MYO3A: variants seen among roughly 807,000 people sequenced by gnomAD.
The protein encoded by MYO3A is myosin IIIA, also known as myosin-IIIa.
A neutral mutation model predicts 192.7 loss-of-function variants in MYO3A; 180 were observed. The observed-to-expected ratio is 0.93, with a 90% CI of 0.83 to 1.06. MYO3A has a LOEUF of 1.06. Among genes scored for constraint, MYO3A ranks in the 50% least tolerant of loss-of-function variants. MYO3A has a pLI of 0.00. For synonymous variants in MYO3A, 628 were observed against 645.3 expected (o/e 0.97, Z 0.41); for missense variants, 1,896 against 1,905.0 (o/e 1.00, Z 0.09).
chr10:26,080,485 C>T (rs759135675), intron 14 of MYO3A, among the ~76,000 whole-genome samples: 15 of 151,048 alleles, frequency 9.9e-5, no homozygotes, highest in Admixed American at 6.6e-5. Flanking sequence ...CTGTTCCCTC[C>T]CTGATTAGCT....
rs1369139226 is a variant in MYO3A, at chr10:26,157,414, G to T, written c.2898G>T (p.Glu966Asp). ...SERQARKYDK[E>D]KVLLQLRYTG... Reference sequence around the variant, plus strand: ...GTCAGGCAAGAAAATATGACAAAGAGAAAGTTCTGCTACAGCTTCGGTACA... The same window carrying T: ...GTCAGGCAAGAAAATATGACAAAGATAAAGTTCTGCTACAGCTTCGGTACA... Residue 966 changes from glutamate (E) to aspartate (D), a missense_variant, in exon 26 of 35, where the codon GAG becomes GAT. Glu to Asp is a conservative substitution (Grantham distance 45). Coordinates refer to ENST00000642920, the MANE Select transcript of MYO3A (RefSeq NM_017433.5). 2 of 1,614,128 alleles carry T rather than the reference G, an allele frequency of 1.2e-6. No individual in the cohort carries two copies. Among genetic ancestry groups the T allele is most frequent in the South Asian group, 2.2e-5 (2 of 91,078 alleles).
intron 14 of MYO3A, among the ~76,000 whole-genome samples, chr10:26,079,140 G>A (rs1835771084): frequency 6.6e-6 from 1 of 152,060 alleles, no homozygotes; most frequent in Non-Finnish European, 1.5e-5. Context: ...TTGTGTTGCT[G>A]TCTATCTCAT....
intron 6 of MYO3A, among the ~76,000 whole-genome samples, chr10:25,997,873 A>G (rs12252394): frequency 0.096 from 14,551 of 152,180 alleles, 1,237 homozygotes; most frequent in African/African-American, 0.22. Context: ...TTTGGAGCCT[A>G]CCTTATCTCT....
intron 17 of MYO3A, among the ~76,000 whole-genome samples, chr10:26,103,101 C>T (rs573911097): frequency 6.6e-6 from 1 of 152,318 alleles, no homozygotes; most frequent in South Asian, 2.1e-4. Context: ...TCAGCAATGG[C>T]TGCAGCCTTG....
intron 30 of MYO3A, 38 bp from the exon 31 acceptor site, chr10:26,176,663 T>A (rs1354423600): frequency 6.3e-7 from 1 of 1,583,772 alleles, no homozygotes; most frequent in Admixed American, 1.7e-5. Context: ...TCTGTATTCT[T>A]TTCCTTGATT....
At position 26,174,120 on chromosome 10, in the gene MYO3A, G is replaced by C; in HGVS notation, c.3856G>C (p.Glu1286Gln). The C allele has an allele frequency of 1.9e-6, 3 of 1,614,092 alleles. No individual in the cohort carries two copies. The highest frequency in any genetic ancestry group is 2.5e-6 in the Non-Finnish European group (3 of 1,179,992). The change falls in exon 30 of 35, where the codon GAA becomes CAA. Residue 1286 changes from glutamate (E) to glutamine (Q), a missense_variant. Glu to Gln is a conservative substitution (Grantham distance 29). Transcript: ENST00000642920. The part of the protein sequence containing the change: ...ENETSFKKTL[E>Q]PTLSQRSIYQ... ...TGAGACTTCCTTTAAAAAAACTTTG[G>C]AACCTACACTTAGCCAAAGGTCAAT...
rs973653540 is a variant in MYO3A at position 26,203,044 on chromosome 10, C to T, written c.4667C>T (p.Pro1556Leu). Residue 1556 changes from proline (P) to leucine (L), a missense_variant, in exon 34 of 35, where the codon CCT (proline) becomes CTT (leucine). By Grantham distance (98) the Pro-to-Leu change is moderately conservative. Transcript: ENST00000642920. ...CGTTCTGGACCAAAGGAACATAGCC[C>T]TAGTTTAAGAGAACGAAGACCACAG... is the stretch of plus-strand genomic sequence containing the variant. Reference protein sequence around the residue: ...PSRSGPKEHSPSLRERRPQQE... With the variant: ...PSRSGPKEHSLSLRERRPQQE... The T allele has an allele frequency of 1.9e-6, 3 of 1,613,576 alleles. No individual in the cohort carries two copies. In the African/African-American group the frequency reaches 4.0e-5, roughly 22 times the overall value.
At chr10:26,159,184 G>T (rs1841339029) in intron 26 of MYO3A, among the ~76,000 whole-genome samples, 1 of 150,658 alleles carries the variant, frequency 6.6e-6, no homozygotes, top group South Asian at 2.1e-4. Flanking sequence ...TAGAGACGGG[G>T]TTTCACCGTT....
rs117144732 is a variant in MYO3A, at chr10:25,955,863, T to C, written c.303+855T>C. 1.8e-3 allele frequency among the ~76,000 whole-genome samples: 277 copies of C among 152,348 alleles called. 6 individuals carry two copies. In the East Asian group the frequency reaches 0.033, roughly 18 times the overall value. On this transcript the variant is annotated intron_variant, in intron 4 of 34. Coordinates refer to ENST00000642920, the MANE Select transcript of MYO3A (RefSeq NM_017433.5). ...TTTCTTTTTGAATGTTTCATTGCTT[T>C]TCCTGAAGTGGCATTGTCTTAGTCT...
chr10:26,194,595 G>A (rs970949412), intron 32 of MYO3A, among the ~76,000 whole-genome samples: 5 of 152,162 alleles, frequency 3.3e-5, no homozygotes, highest in Non-Finnish European at 5.9e-5. Context: ...TTCCCACCTC[G>A]CAGGCAGAAA....
Position 26,211,898 on chromosome 10 carries a change from C to A in MYO3A, c.4786C>A (p.Pro1596Thr), listed in dbSNP as rs756203241. The change falls in exon 35 of 35, where the codon CCC (proline) becomes ACC (threonine). Residue 1596 changes from proline (P) to threonine (T), a missense_variant. Transcript: ENST00000642920. ...GGAGGAGAGAGAGCCAGCAGCCAACCCCTACGACTTCAGGAGGCTCCTGCG... is the reference window on the plus strand; with the variant it reads ...GGAGGAGAGAGAGCCAGCAGCCAACACCTACGACTTCAGGAGGCTCCTGCG... ...KEEEREPAAN[P>T]YDFRRLLRKT... is the part of the protein sequence containing the mutation. The A allele has an allele frequency of 1.2e-6, 2 of 1,613,938 alleles. No homozygotes were observed. Among genetic ancestry groups the A allele is most frequent in the African/African-American group, 1.3e-5 (1 of 74,922 alleles).
chr10:26,039,207 A>ATTTTTTTT (rs34416918), intron 10 of MYO3A, among the ~76,000 whole-genome samples: 83 of 106,844 alleles, frequency 7.8e-4, no homozygotes, highest in Non-Finnish European at 1.0e-3. Flanking sequence ...GGCTCGGCTA[A>ATTTTTTTT]TTTTTTTTTT....
At chr10:26,081,146 GCCCC>G (rs907981671) in intron 14 of MYO3A, among the ~76,000 whole-genome samples, 2 of 70,754 alleles carry the variant, frequency 2.8e-5, no homozygotes, top group Non-Finnish European at 5.7e-5. Context: ...CCCCCCCCCC[GCCCC>G]CGCTACCAGG....
chr10:26,212,184 T>C lies in MYO3A; in HGVS notation c.*221T>C, dbSNP rs1188507417. 1.6e-6 allele frequency: 1 copy of C among 612,158 alleles called. No individual in the cohort carries two copies. The highest frequency in any genetic ancestry group is 1.9e-5 in the African/African-American group (1 of 53,714). The allele number at this position is 612,158 out of a possible 1,614,324, so 37.9% of individuals were successfully genotyped here. A position where few individuals can be genotyped will look rare whatever the true frequency, so the allele number is the denominator to read the frequency against. On this transcript the variant is annotated 3_prime_UTR_variant, in exon 35 of 35. Coordinates refer to ENST00000642920, the MANE Select transcript of MYO3A (RefSeq NM_017433.5). Reference sequence around the variant, plus strand: ...TCGGGAAACCTCCCCCGACGCTCTCTCTCGGAACTCCCGCACCCTCCTTTC... The same window carrying C: ...TCGGGAAACCTCCCCCGACGCTCTCCCTCGGAACTCCCGCACCCTCCTTTC...
At chr10:25,955,120 C>G in intron 4 of MYO3A, 112 bp downstream of exon 4, 1 of 1,450,038 alleles carries the variant, frequency 6.9e-7, no homozygotes, top group South Asian at 1.2e-5. Context: ...TGATAAGTTC[C>G]TGACCAGCCA....
At chr10:26,128,141 G>A (rs1365643184) in intron 19 of MYO3A, among the ~76,000 whole-genome samples, 1 of 152,106 alleles carries the variant, frequency 6.6e-6, no homozygotes, top group Admixed American at 6.6e-5. Context: ...TTTTGTTTCA[G>A]TGTATAAAAG....
At chr10:26,003,160 A>G (rs1840960721) in intron 6 of MYO3A, among the ~76,000 whole-genome samples, 1 of 152,216 alleles carries the variant, frequency 6.6e-6, no homozygotes, top group Admixed American at 6.5e-5. Flanking sequence ...GTGAAGAATA[A>G]ATGGGATGCC....
At chr10:26,157,849 C>T (rs1841236997) in intron 26 of MYO3A, among the ~76,000 whole-genome samples, 1 of 152,132 alleles carries the variant, frequency 6.6e-6, no homozygotes, top group Non-Finnish European at 1.5e-5. Context: ...AGAGATTTTG[C>T]CCCTCAAAAG....
chr10:25,950,409 A>G (rs1837135951), intron 2 of MYO3A, among the ~76,000 whole-genome samples: 1 of 151,620 alleles, frequency 6.6e-6, no homozygotes, highest in Non-Finnish European at 1.5e-5. Flanking sequence ...GAGGAAAGAT[A>G]TCACTTTGAA....
Sources: gnomAD v4.1 joint callset for allele counts (sites outside exome capture counted in the v4.1 genomes callset) on GRCh38, gnomAD v4.1.1 for gene constraint, MANE v1.5 for transcripts, NCBI Gene and HGNC (gene_info 2026-07-23, HGNC 2026-07-21) for gene names.